Variants in SOBP observed in about 807,000 individuals in gnomAD.
The protein encoded by SOBP is sine oculis-binding protein homolog.
In SOBP, 4 loss-of-function variants were observed where a neutral mutation model predicts 53.6. The observed-to-expected ratio is 0.07, with a 90% CI of 0.04 to 0.17. The LOEUF (loss-of-function observed/expected upper bound fraction) is 0.17. Among genes scored for constraint, SOBP ranks in the 10% least tolerant of loss-of-function variants. The probability of loss-of-function intolerance (pLI) is 1.00; values close to 1 mark genes in which losing one functional copy is unlikely to be tolerated. For synonymous variants in SOBP, 584 were observed against 522.6 expected (o/e 1.12, Z -1.60); for missense variants, 1,088 against 1,204.7 (o/e 0.90, Z 1.43).
At chr6:107,520,654 G>A (rs925670596) in intron 3 of SOBP, among the ~76,000 whole-genome samples, 1 of 152,342 alleles carries the variant, frequency 6.6e-6, no homozygotes, top group African/African-American at 2.4e-5. Context: ...AATGTCAGCT[G>A]TGCCTTTCCT....
At chr6:107,618,121 G>A (rs917933890) in intron 5 of SOBP, among the ~76,000 whole-genome samples, 3 of 152,120 alleles carry the variant, frequency 2.0e-5, no homozygotes, top group Non-Finnish European at 2.9e-5. Flanking sequence ...GAGCCACCGT[G>A]CGCGGCCCGT....
chr6:107,574,742 C>A (rs1405918016), intron 4 of SOBP, among the ~76,000 whole-genome samples: 1 of 152,166 alleles, frequency 6.6e-6, no homozygotes, highest in Non-Finnish European at 1.5e-5. Flanking sequence ...ATGGAGAGTC[C>A]ACCCTGCCAA....
chr6:107,569,300 G>C (rs1166526082), intron 4 of SOBP, among the ~76,000 whole-genome samples: 1 of 152,156 alleles, frequency 6.6e-6, no homozygotes, highest in Admixed American at 6.5e-5. Context: ...CCCTACCAAG[G>C]CAAATCTGAG....
chr6:107,494,889 T>G (rs1197047293), intron 1 of SOBP, among the ~76,000 whole-genome samples: 1 of 152,164 alleles, frequency 6.6e-6, no homozygotes, highest in Non-Finnish European at 1.5e-5. Context: ...AAATAACCTG[T>G]GTCAATTGCA....
intron 4 of SOBP, among the ~76,000 whole-genome samples, chr6:107,583,365 A>G (rs992740758): frequency 6.6e-6 from 1 of 152,186 alleles, no homozygotes; most frequent in African/African-American, 2.4e-5. Flanking sequence ...AAGAAGGACC[A>G]CAGAGGAGAT....
intron 5 of SOBP, among the ~76,000 whole-genome samples, chr6:107,617,344 T>TCA (rs1471390741): frequency 3.9e-5 from 6 of 152,160 alleles, no homozygotes; most frequent in African/African-American, 7.2e-5. Flanking sequence ...ATTTGGAAAG[T>TCA]CAGTGTAGTC....
At chr6:107,623,080 A>T (rs975903473) in intron 5 of SOBP, among the ~76,000 whole-genome samples, 4 of 152,192 alleles carry the variant, frequency 2.6e-5, no homozygotes, top group Admixed American at 2.0e-4. Context: ...GGAATACGTG[A>T]TAGCAGAGGG....
chr6:107,584,635 A>G (rs1457300133), intron 4 of SOBP, among the ~76,000 whole-genome samples: 2 of 152,282 alleles, frequency 1.3e-5, no homozygotes, highest in African/African-American at 4.8e-5. Flanking sequence ...TGGTTCAATA[A>G]AAAAGCAAGT....
chr6:107,647,735 C>T lies in SOBP; in HGVS notation c.*4-10472C>T, dbSNP rs754125960. 9.2e-5 allele frequency among the ~76,000 whole-genome samples: 14 copies of T among 152,192 alleles called. No homozygotes were observed. In the South Asian group the frequency reaches 2.9e-3, roughly 32 times the overall value. On this transcript the variant is annotated intron_variant, in intron 6 of 6. Transcript: ENST00000317357. ...GAACCTGAGTCCTCATCTGCCTTTC[C>T]TCTCGGTGGAACATGGGATCTGACC...
chr6:107,532,669 C>T (rs1783864845), intron 3 of SOBP, among the ~76,000 whole-genome samples: 2 of 152,290 alleles, frequency 1.3e-5, no homozygotes, highest in South Asian at 4.2e-4. Context: ...TGAGCAACCC[C>T]ATGACATGAC....
rs1309292020 is a variant in SOBP, at chr6:107,490,488, C to CCCGCCAGCACCGCTACCT, written c.-120_-103dup. The CCCGCCAGCACCGCTACCT allele has an allele frequency of 1.2e-4, 81 of 698,898 alleles. No homozygotes were observed. Among genetic ancestry groups the CCCGCCAGCACCGCTACCT allele is most frequent in the Middle Eastern group, 3.9e-4 (1 of 2,588 alleles). 43.3% of individuals were successfully genotyped at this position (698,898 alleles called of 1,614,324 possible). On this transcript the variant is annotated 5_prime_UTR_variant, in exon 1 of 7. Transcript: ENST00000317357. Reference sequence around the variant, plus strand: ...CCTCCCCCTCGCGGCTCGGTCCGGCCCCGCCAGCACCGCTACCTCCGCCAG... The same window carrying CCCGCCAGCACCGCTACCT: ...CCTCCCCCTCGCGGCTCGGTCCGGCCCCGCCAGCACCGCTACCTCCGCCAGCACCGCTACCTCCGCCAG...
At chr6:107,596,140 C>T (rs955720747) in intron 5 of SOBP, among the ~76,000 whole-genome samples, 3 of 152,064 alleles carry the variant, frequency 2.0e-5, no homozygotes, top group Non-Finnish European at 2.9e-5. Flanking sequence ...TTGCTGGATC[C>T]CTGAGAACCA....
intron 3 of SOBP, among the ~76,000 whole-genome samples, chr6:107,532,272 C>CACACACACCA (rs56398781): frequency 1.9e-4 from 21 of 108,050 alleles, no homozygotes; most frequent in African/African-American, 2.9e-4. Flanking sequence ...CACACACACA[C>CACACACACCA]CACACACACA....
intron 6 of SOBP, among the ~76,000 whole-genome samples, chr6:107,638,358 G>A (rs750181139): frequency 2.6e-5 from 4 of 152,050 alleles, no homozygotes; most frequent in Non-Finnish European, 4.4e-5. Context: ...TTATAGCCAC[G>A]CGCCACGATG....
chr6:107,616,084 T>TG (rs576223347), intron 5 of SOBP, among the ~76,000 whole-genome samples: 9,355 of 62,388 alleles, frequency 0.15, 838 homozygotes, highest in African/African-American at 0.3. Flanking sequence ...GGAAGGGGGG[T>TG]GGGGGGGGGG....
intron 6 of SOBP, among the ~76,000 whole-genome samples, chr6:107,653,099 A>G (rs1277323114): frequency 6.6e-6 from 1 of 152,194 alleles, no homozygotes; most frequent in Non-Finnish European, 1.5e-5. Flanking sequence ...CTATAAGAAA[A>G]GAGATGTCAT....
chr6:107,533,622 G>C lies in SOBP; in HGVS notation c.573+12G>C. 6.2e-7 allele frequency: 1 copy of C among 1,613,850 alleles called. No homozygotes were observed. The highest frequency in any genetic ancestry group is 1.7e-4 in the Middle Eastern group (1 of 6,050). On this transcript the variant is annotated intron_variant, in intron 4 of 6. Coordinates refer to ENST00000317357, the MANE Select transcript of SOBP (RefSeq NM_018013.4). ...TCAAGAGAAATAAGGTAAGAGCACCGGAGAGAGAGGCGGCCCCCCACAGGC... is the reference window on the plus strand; with the variant it reads ...TCAAGAGAAATAAGGTAAGAGCACCCGAGAGAGAGGCGGCCCCCCACAGGC...
intron 4 of SOBP, among the ~76,000 whole-genome samples, chr6:107,565,590 G>A (rs868234937): frequency 6.6e-6 from 1 of 152,134 alleles, no homozygotes; most frequent in African/African-American, 2.4e-5. Flanking sequence ...GAAGTGACTT[G>A]GACCTCTGGA....
At chr6:107,494,040 ATGTTTGTCTCAC>A (rs1474295979) in intron 1 of SOBP, among the ~76,000 whole-genome samples, 1 of 152,222 alleles carries the variant, frequency 6.6e-6, no homozygotes, top group African/African-American at 2.4e-5. Context: ...TCATGTAGAA[ATGTTTGTCTCAC>A]TATGACCTTT....
Sources: allele counts gnomAD v4.1 joint callset (sites outside exome capture counted in the v4.1 genomes callset), GRCh38; gene constraint gnomAD v4.1.1; transcripts MANE v1.5; gene names NCBI Gene and HGNC (gene_info 2026-07-23, HGNC 2026-07-21).